The following RALGPS2 variants were observed in gnomAD, a reference collection of about 807,000 sequenced individuals.
The protein encoded by RALGPS2 is ras-specific guanine nucleotide-releasing factor RalGPS2.
RALGPS2 carries 43 observed loss-of-function variants against 86.8 expected under a neutral mutation model. That is an observed-to-expected ratio of 0.50 (90% CI 0.39 to 0.64). The LOEUF (loss-of-function observed/expected upper bound fraction) is 0.64. RALGPS2 is among the 30% of genes least tolerant of loss of function. RALGPS2 has a pLI of 0.00. For missense variants in RALGPS2, 536 were observed against 694.6 expected (o/e 0.77, Z 2.57); for synonymous variants, 243 against 231.3 (o/e 1.05, Z -0.46).
At chr1:178,737,027 T>C (rs1289732963) in intron 1 of RALGPS2, among the ~76,000 whole-genome samples, 1 of 152,208 alleles carries the variant, frequency 6.6e-6, no homozygotes, top group Admixed American at 6.5e-5. Flanking sequence ...ATATTAACTC[T>C]TTGTCTCTTG....
At chr1:178,833,898 T>C (rs1656144840) in intron 8 of RALGPS2, among the ~76,000 whole-genome samples, 2 of 152,202 alleles carry the variant, frequency 1.3e-5, no homozygotes, top group Non-Finnish European at 2.9e-5. Flanking sequence ...AAAGTCCTTA[T>C]ATAGTGAGGA....
At position 178,851,208 on chromosome 1, in the gene RALGPS2, T is replaced by C. The variant is rs747105169; in HGVS notation, c.607+17658T>C. 8 of 1,614,044 alleles carry C rather than the reference T, an allele frequency of 5.0e-6. No homozygotes were observed. In the Admixed American group the frequency reaches 1.0e-4, roughly 20 times the overall value. Reference sequence around the variant, plus strand: ...TCTGTATTCGGCCCAGAAAATTCCATCTTGGTGCTTGCTTCTGTAATGGCC... The same window carrying C: ...TCTGTATTCGGCCCAGAAAATTCCACCTTGGTGCTTGCTTCTGTAATGGCC... On this transcript the variant is annotated intron_variant, in intron 8 of 19. Coordinates refer to ENST00000367635, the MANE Select transcript of RALGPS2 (RefSeq NM_152663.5).
At chr1:178,860,068 C>G (rs989123553) in intron 8 of RALGPS2, among the ~76,000 whole-genome samples, 2 of 152,022 alleles carry the variant, frequency 1.3e-5, no homozygotes, top group Non-Finnish European at 2.9e-5. Context: ...TTGCCAGAAT[C>G]CAAGTTTACT....
chr1:178,904,461 T>C (rs977177078), intron 18 of RALGPS2, among the ~76,000 whole-genome samples: 1 of 152,234 alleles, frequency 6.6e-6, no homozygotes, highest in Non-Finnish European at 1.5e-5. Flanking sequence ...CAATGTTGTC[T>C]TCTAGAATTT....
intron 14 of RALGPS2, among the ~76,000 whole-genome samples, chr1:178,891,846 C>T (rs1425391093): frequency 1.3e-5 from 2 of 151,686 alleles, no homozygotes; most frequent in Non-Finnish European, 2.9e-5. Flanking sequence ...TATATAAATC[C>T]GGGCATCATA....
At position 178,786,555 on chromosome 1, in the gene RALGPS2, A is replaced by G. The variant is rs74129706; in HGVS notation, c.213+948A>G. ...TTCCTATCATTTTAACATCCTGAGT[A>G]TGATAGTATCTCTGTTTTACTGATG... On this transcript the variant is annotated intron_variant, in intron 4 of 19. Transcript: ENST00000367635. 3.4e-3 allele frequency among the ~76,000 whole-genome samples: 510 copies of G among 151,950 alleles called. 3 individuals are homozygous for G. Among genetic ancestry groups the G allele is most frequent in the African/African-American group, 0.012 (502 of 41,476 alleles).
chr1:178,889,569 A>G, intron 13 of RALGPS2, 73 bp from the exon 14 acceptor site: 1 of 981,148 alleles, frequency 1.0e-6, no homozygotes, highest in Non-Finnish European at 1.6e-6. Context: ...TAATTAATTT[A>G]TTTTTACATT....
chr1:178,848,836 G>A (rs1657000608), intron 8 of RALGPS2, among the ~76,000 whole-genome samples: 2 of 152,050 alleles, frequency 1.3e-5, no homozygotes, highest in Non-Finnish European at 2.9e-5. Context: ...CACCATGTCG[G>A]CCAGGCTGGT....
intron 10 of RALGPS2, among the ~76,000 whole-genome samples, chr1:178,880,376 G>A (rs550816379): frequency 1.2e-4 from 18 of 152,208 alleles, no homozygotes; most frequent in Admixed American, 3.3e-4. Context: ...TGCCTTTATT[G>A]CCATCTTCTC....
intron 1 of RALGPS2, among the ~76,000 whole-genome samples, chr1:178,736,852 G>T (rs2102013701): frequency 6.6e-6 from 1 of 152,126 alleles, no homozygotes; most frequent in South Asian, 2.1e-4. Context: ...GGCCATGATC[G>T]AGCCACTGCA....
intron 1 of RALGPS2, chr1:178,753,691 C>T (rs748368048): frequency 1.3e-5 from 2 of 152,080 alleles, no homozygotes; most frequent in African/African-American, 4.8e-5. Flanking sequence ...ATTATGGAAT[C>T]GAGTTAGAGA....
intron 7 of RALGPS2, among the ~76,000 whole-genome samples, chr1:178,823,868 T>C (rs902557783): frequency 2.0e-5 from 3 of 151,612 alleles, no homozygotes; most frequent in African/African-American, 7.3e-5. Flanking sequence ...TTTAAGGGAG[T>C]GGTTGGGGCT....
chr1:178,768,613 C>T (rs996277125), intron 1 of RALGPS2, among the ~76,000 whole-genome samples: 27 of 152,150 alleles, frequency 1.8e-4, no homozygotes, highest in African/African-American at 6.0e-4. Context: ...TTGCCTCAGG[C>T]AGTGGGCTGA....
chr1:178,729,838 T>G (rs1369727011), intron 1 of RALGPS2, among the ~76,000 whole-genome samples: 2 of 152,282 alleles, frequency 1.3e-5, no homozygotes, highest in African/African-American at 2.4e-5. Flanking sequence ...TCTTTATGAC[T>G]TTCCCTCCTG....
chr1:178,873,475 G>C (rs541847329), intron 8 of RALGPS2, among the ~76,000 whole-genome samples: 2 of 152,292 alleles, frequency 1.3e-5, no homozygotes, highest in African/African-American at 2.4e-5. Context: ...CACAAATGTG[G>C]ATCAACAGAA....
intron 8 of RALGPS2, among the ~76,000 whole-genome samples, chr1:178,851,768 C>G (rs773813620): frequency 1.3e-5 from 2 of 152,108 alleles, no homozygotes; most frequent in Non-Finnish European, 2.9e-5. Context: ...TATGGTCTAT[C>G]TCTCCTCTTT....
At chr1:178,806,007 G>C (rs1654723715) in intron 4 of RALGPS2, among the ~76,000 whole-genome samples, 1 of 151,324 alleles carries the variant, frequency 6.6e-6, no homozygotes, top group South Asian at 2.1e-4. Flanking sequence ...CTCCTTTCTT[G>C]ACTCTTGTTC....
Position 178,864,300 on chromosome 1 carries a change from T to C in RALGPS2, c.608-13198T>C, listed in dbSNP as rs576495017. 5.3e-5 allele frequency among the ~76,000 whole-genome samples: 8 copies of C among 152,276 alleles called. No homozygotes were observed. The South Asian group carries it at 1.4e-3, about 28-fold the overall frequency. ...TAGTTTTTTTTTATAATAATGAACA[T>C]TTATATTTCTTAGGATACACAGTAC... On this transcript the variant is annotated intron_variant, in intron 8 of 19. Transcript: ENST00000367635.
In RALGPS2 at chr1:178,865,787, G is replaced by T. The variant is rs575220046; in HGVS notation, c.608-11711G>T. On this transcript the variant is annotated intron_variant, in intron 8 of 19. Coordinates refer to ENST00000367635, the MANE Select transcript of RALGPS2 (RefSeq NM_152663.5). ...GGTAAAAGTCTTCATTTTGAAATGAGGTTGTAAAATGATGTCTTTTGAAAA... is the reference window on the plus strand; with the variant it reads ...GGTAAAAGTCTTCATTTTGAAATGATGTTGTAAAATGATGTCTTTTGAAAA... 4.5e-6 allele frequency: 7 copies of T among 1,548,144 alleles called. No individual in the cohort carries two copies. The Admixed American group carries it at 1.0e-4, about 22-fold the overall frequency.
Sources: allele counts gnomAD v4.1 joint callset (sites outside exome capture counted in the v4.1 genomes callset), GRCh38; gene constraint gnomAD v4.1.1; transcripts MANE v1.5; gene names NCBI Gene and HGNC (gene_info 2026-07-23, HGNC 2026-07-21).